Variants in RAB11FIP3 observed in about 807,000 individuals in gnomAD.
The protein encoded by RAB11FIP3 is RAB11 family interacting protein 3, also known as rab11 family-interacting protein 3.
In RAB11FIP3, 17 loss-of-function variants were observed where a neutral mutation model predicts 77.8. That is an observed-to-expected ratio of 0.22 (90% CI 0.15 to 0.33). The LOEUF (loss-of-function observed/expected upper bound fraction) is 0.33. RAB11FIP3 is among the 10% of genes least tolerant of loss of function. The pLI, the probability that RAB11FIP3 is intolerant of heterozygous loss-of-function variation, is 1.00. For missense variants in RAB11FIP3, 1,005 were observed against 1,011.2 expected, an observed-to-expected ratio of 0.99 and a Z score of 0.08; for synonymous variants, 437 against 448.2, an observed-to-expected ratio of 0.98 and a Z score of 0.31.
intron 2 of RAB11FIP3, among the ~76,000 whole-genome samples, chr16:462,106 T>C (rs1353213862): frequency 6.6e-6 from 1 of 152,264 alleles, no homozygotes; most frequent in Non-Finnish European, 1.5e-5. Context: ...GTGCGGAGCC[T>C]GTCACGCACA....
At chr16:474,476 G>A (rs1045295171) in intron 3 of RAB11FIP3, among the ~76,000 whole-genome samples, 3 of 152,098 alleles carry the variant, frequency 2.0e-5, no homozygotes, top group Non-Finnish European at 4.4e-5. Flanking sequence ...GGACTGTGGC[G>A]CCGCTGAGTT....
At chr16:503,987 C>T (rs1182056275) in intron 7 of RAB11FIP3, among the ~76,000 whole-genome samples, 1 of 89,710 alleles carries the variant, frequency 1.1e-5, no homozygotes, top group Non-Finnish European at 2.3e-5. Context: ...ACCTCCTGTA[C>T]CCCCTCACCA....
intron 4 of RAB11FIP3, among the ~76,000 whole-genome samples, chr16:483,636 T>C (rs1021401639): frequency 1.3e-5 from 2 of 152,098 alleles, no homozygotes; most frequent in Admixed American, 6.6e-5. Context: ...GTGGGGAAAG[T>C]CTGCACCCTG....
intron 1 of RAB11FIP3, among the ~76,000 whole-genome samples, chr16:449,959 A>AT (rs919333104): frequency 6.6e-5 from 10 of 152,036 alleles, no homozygotes; most frequent in Admixed American, 2.6e-4. Flanking sequence ...TCAAAAAAAA[A>AT]TTTTGTTTTA....
intron 1 of RAB11FIP3, among the ~76,000 whole-genome samples, chr16:438,935 G>A (rs1166479235): frequency 6.6e-6 from 1 of 152,114 alleles, no homozygotes; most frequent in Non-Finnish European, 1.5e-5. Context: ...TGATCCGCCC[G>A]CCTTGGCACC....
At chr16:444,325 TA>T (rs1376936062) in intron 1 of RAB11FIP3, among the ~76,000 whole-genome samples, 1 of 152,192 alleles carries the variant, frequency 6.6e-6, no homozygotes, top group Non-Finnish European at 1.5e-5. Context: ...GGGCAGAGGG[TA>T]GTAGACTAAG....
In RAB11FIP3 at chr16:426,519, G is replaced by A. The variant is rs1235849776; in HGVS notation, c.513G>A (p.Glu171=). Reference sequence around the variant, plus strand: ...CCTTCCCCGCGCCCACGGCGGGCGAGCTGGCGCTGGAGCAAGGTCCCGGGT... The same window carrying A: ...CCTTCCCCGCGCCCACGGCGGGCGAACTGGCGCTGGAGCAAGGTCCCGGGT... ...FSPFPAPTAG[E]LALEQGPGSP... Residue 171 remains glutamate (E), a synonymous_variant, in exon 1 of 14, where the codon GAG becomes GAA. Coordinates refer to ENST00000262305, the MANE Select transcript of RAB11FIP3 (RefSeq NM_014700.4). The surrounding 1 kb of genome is among the most constrained non-coding windows in gnomAD (Gnocchi z 5.0). The A allele has an allele frequency of 6.4e-7, 1 of 1,557,064 alleles. No homozygotes were observed. The highest frequency in any genetic ancestry group is 1.9e-5 in the Admixed American group (1 of 51,450).
chr16:513,805 G>A (rs1250437060), intron 9 of RAB11FIP3, among the ~76,000 whole-genome samples: 1 of 152,252 alleles, frequency 6.6e-6, no homozygotes, highest in Non-Finnish European at 1.5e-5. Context: ...CCCACACAGG[G>A]AGGCCTCCGT....
chr16:434,222 A>G (rs1402662169), intron 1 of RAB11FIP3, among the ~76,000 whole-genome samples: 4 of 151,516 alleles, frequency 2.6e-5, no homozygotes, highest in Non-Finnish European at 5.9e-5. Flanking sequence ...CCTGGGTTCA[A>G]GCAATTCTCC....
At chr16:433,561 A>C (rs2055075730) in intron 1 of RAB11FIP3, among the ~76,000 whole-genome samples, 1 of 151,108 alleles carries the variant, frequency 6.6e-6, no homozygotes, top group African/African-American at 2.4e-5. Flanking sequence ...GCCAAATAGT[A>C]CTCCAGGCCG....
intron 1 of RAB11FIP3, among the ~76,000 whole-genome samples, chr16:437,224 G>C (rs7206631): frequency 0.13 from 20,250 of 151,546 alleles, 2,126 homozygotes; most frequent in African/African-American, 0.29. Context: ...GTTGCAGTGA[G>C]GCAAGATCGC....
rs1473240862 is a variant in RAB11FIP3 at position 507,544 on chromosome 16, GC to G, written c.1499+1919del. On this transcript the variant is annotated intron_variant, in intron 8 of 13. Transcript: ENST00000262305. The surrounding 1 kb of genome is among the most constrained non-coding windows in gnomAD (Gnocchi z 4.6). ...TCAGAGGCGTGAGCCACCATGTCCA[GC>G]CTAGATGCCTTTGTCGAGTTGACTG... is the stretch of plus-strand genomic sequence containing the variant. 6.6e-6 allele frequency among the ~76,000 whole-genome samples: 1 copy of G among 152,236 alleles called. No individual in the cohort carries two copies. Among genetic ancestry groups the G allele is most frequent in the Non-Finnish European group, 1.5e-5 (1 of 68,052 alleles).
At chr16:493,455 T>C (rs2030785892) in intron 5 of RAB11FIP3, among the ~76,000 whole-genome samples, 1 of 152,080 alleles carries the variant, frequency 6.6e-6, no homozygotes, top group Admixed American at 6.6e-5. Flanking sequence ...GGTGACTTAG[T>C]CCAGACCACC....
intron 2 of RAB11FIP3, among the ~76,000 whole-genome samples, chr16:462,589 T>TCAGCACAATCCCTTCCC (rs2055626360): frequency 1.9e-5 from 2 of 104,942 alleles, no homozygotes; most frequent in East Asian, 5.5e-4. Flanking sequence ...GCTTCTTTCC[T>TCAGCACAATCCCTTCCC]CAGCACGATC....
chr16:443,668 C>T (rs991426184), intron 1 of RAB11FIP3, among the ~76,000 whole-genome samples: 3 of 152,104 alleles, frequency 2.0e-5, no homozygotes, highest in Non-Finnish European at 4.4e-5. Context: ...CAGGTTCAAG[C>T]GATTCTCCTG....
chr16:431,384 T>C (rs1312216649), intron 1 of RAB11FIP3, among the ~76,000 whole-genome samples: 3 of 146,798 alleles, frequency 2.0e-5, no homozygotes, highest in African/African-American at 7.4e-5. Context: ...TTTTCAGACT[T>C]TTTTTTTTTT....
intron 3 of RAB11FIP3, among the ~76,000 whole-genome samples, chr16:476,670 G>A (rs1179543398): frequency 6.6e-6 from 1 of 152,068 alleles, no homozygotes. Context: ...CCAGCACTTT[G>A]GGAGGCTGAG....
chr16:426,372 G>C lies in RAB11FIP3; in HGVS notation c.366G>C (p.Leu122Phe). 1 of 1,547,828 alleles carries C rather than the reference G, an allele frequency of 6.5e-7. No individual in the cohort carries two copies. Among genetic ancestry groups the C allele is most frequent in the Non-Finnish European group, 8.7e-7 (1 of 1,149,404 alleles). The change falls in exon 1 of 14, where the codon TTG becomes TTC. Residue 122 changes from leucine to phenylalanine, a missense_variant. Physicochemically the swap from Leu to Phe is conservative, Grantham distance 22 (BLOSUM62 0). Coordinates refer to ENST00000262305, the MANE Select transcript of RAB11FIP3 (RefSeq NM_014700.4). This position sits in a 1 kb window ranked among gnomAD's most constrained non-coding sequence, Gnocchi z 5.0. ...SEAPLPELDP[L>F]FSWTEEPEEC... ...CGCCGCTTCCAGAACTCGACCCGTTGTTCTCCTGGACTGAGGAGCCCGAGG... is the reference window on the plus strand; with the variant it reads ...CGCCGCTTCCAGAACTCGACCCGTTCTTCTCCTGGACTGAGGAGCCCGAGG...
intron 9 of RAB11FIP3, among the ~76,000 whole-genome samples, chr16:516,790 T>C (rs577311533): frequency 6.6e-6 from 1 of 151,924 alleles, no homozygotes; most frequent in East Asian, 1.9e-4. Context: ...GGCAGGAGAA[T>C]CACTTGAACC....
Sources: gnomAD v4.1 joint callset for allele counts (sites outside exome capture counted in the v4.1 genomes callset) on GRCh38, gnomAD v4.1.1 for gene constraint, Gnocchi (gnomAD v3.1) non-coding constraint, MANE v1.5 for transcripts, NCBI Gene and HGNC (gene_info 2026-07-23, HGNC 2026-07-21) for gene names.